The following PPARGC1B variants were observed in gnomAD, a reference collection of about 807,000 sequenced individuals.
PPARGC1B encodes the protein peroxisome proliferator-activated receptor gamma coactivator 1-beta.
Under a neutral mutation model 101.6 loss-of-function variants are expected in PPARGC1B, and 34 were observed. The ratio of observed to expected loss-of-function variants is 0.33; its 90% CI spans 0.25 to 0.45. PPARGC1B has a LOEUF of 0.45. PPARGC1B is among the 20% of genes least tolerant of loss of function. The pLI, the probability that PPARGC1B is intolerant of heterozygous loss-of-function variation, is 1.00. For synonymous variants in PPARGC1B, 548 were observed against 539.3 expected, an observed-to-expected ratio of 1.02 and a Z score of -0.22; for missense variants, 1,234 against 1,317.6, an observed-to-expected ratio of 0.94 and a Z score of 0.98.
intron 1 of PPARGC1B, among the ~76,000 whole-genome samples, chr5:149,785,828 C>T (rs1367418559): frequency 6.6e-6 from 1 of 152,012 alleles, no homozygotes; most frequent in African/African-American, 2.4e-5. Flanking sequence ...GCCTCCCCAA[C>T]AACTATGAGG....
chr5:149,826,894 C>T lies in PPARGC1B; in HGVS notation c.465+9C>T. On this transcript the variant is annotated intron_variant, in intron 3 of 11. Transcript: ENST00000309241. ...TGGACGAGCTCTCACTGGTAAGAAC[C>T]TACTTACAGCAGAAGTGATGGTTGC... 1 of 1,593,006 alleles carries T rather than the reference C, an allele frequency of 6.3e-7. No homozygotes were observed. Among genetic ancestry groups the T allele is most frequent in the Non-Finnish European group, 8.6e-7 (1 of 1,164,766 alleles).
intron 1 of PPARGC1B, among the ~76,000 whole-genome samples, chr5:149,787,310 G>C (rs913247500): frequency 3.3e-5 from 5 of 152,338 alleles, no homozygotes; most frequent in Admixed American, 6.5e-5. Context: ...CCACCCCTGG[G>C]CAAGAGTGTG....
intron 1 of PPARGC1B, among the ~76,000 whole-genome samples, chr5:149,750,141 C>T (rs1190526964): frequency 1.3e-5 from 2 of 151,896 alleles, no homozygotes; most frequent in African/African-American, 2.4e-5. Context: ...GTGCCTTAAA[C>T]GAGTGGGTTT....
At chr5:149,819,115 G>T (rs1758173188) in intron 1 of PPARGC1B, among the ~76,000 whole-genome samples, 1 of 152,232 alleles carries the variant, frequency 6.6e-6, no homozygotes, top group African/African-American at 2.4e-5. Context: ...TTAGGCCTGA[G>T]AATTTATATT....
intron 1 of PPARGC1B, among the ~76,000 whole-genome samples, chr5:149,794,888 C>G (rs1757153578): frequency 6.6e-6 from 1 of 152,252 alleles, no homozygotes; most frequent in Non-Finnish European, 1.5e-5. Context: ...TAGCTCTCCA[C>G]TGGGGTCTGC....
At position 149,747,633 on chromosome 5, in the gene PPARGC1B, T is replaced by C. The variant is rs541267259; in HGVS notation, c.78+17213T>C. Among the ~76,000 whole-genome samples, 105 of 152,314 alleles carry C rather than the reference T, an allele frequency of 6.9e-4. 1 individual carries two copies. Among genetic ancestry groups the C allele is most frequent in the Middle Eastern group, 3.4e-3 (1 of 292 alleles). ...ACAGCTCCTCCCTGCCCTGTGGGTG[T>C]GGACACCAGGTACCTGCCCAGCAGC... On this transcript the variant is annotated intron_variant, in intron 1 of 11. Transcript: ENST00000309241.
chr5:149,741,882 G>A (rs761981104), intron 1 of PPARGC1B, among the ~76,000 whole-genome samples: 55 of 152,016 alleles, frequency 3.6e-4, no homozygotes, highest in Admixed American at 6.5e-4. Flanking sequence ...CAAACCTCTC[G>A]GCCTCCCAAA....
In PPARGC1B at chr5:149,822,983, TATGGAAACAA is replaced by T. The variant is rs1182281017; in HGVS notation, c.252+2379_252+2388del. ...GTTAACAATTAAATGGCACCATTGT[TATGGAAACAA>T]ACTGGGAGAGTAGAGAACAAGCTAC... On this transcript the variant is annotated intron_variant, in intron 2 of 11. Transcript: ENST00000309241. Among the ~76,000 whole-genome samples the T allele has an allele frequency of 9.2e-5, 14 of 152,300 alleles. 1 individual carries two copies. Among genetic ancestry groups the T allele is most frequent in the African/African-American group, 3.1e-4 (13 of 41,566 alleles).
chr5:149,789,600 T>G (rs1756941406), intron 1 of PPARGC1B, among the ~76,000 whole-genome samples: 2 of 152,242 alleles, frequency 1.3e-5, no homozygotes, highest in Non-Finnish European at 2.9e-5. Context: ...CTCAAAACAA[T>G]TCTATGAAGT....
intron 1 of PPARGC1B, among the ~76,000 whole-genome samples, chr5:149,760,487 C>T (rs1755678808): frequency 6.6e-6 from 1 of 152,196 alleles, no homozygotes; most frequent in South Asian, 2.1e-4. Flanking sequence ...CTATTATCTG[C>T]CTCACAGAGT....
At chr5:149,839,849 G>A (rs575881840) in intron 8 of PPARGC1B, among the ~76,000 whole-genome samples, 192 bp from the exon 9 acceptor site, 1 of 152,324 alleles carries the variant, frequency 6.6e-6, no homozygotes, top group South Asian at 2.1e-4. Context: ...GTGTCCAGAT[G>A]TTCAGGCCCA....
At chr5:149,779,249 T>C (rs1417222338) in intron 1 of PPARGC1B, among the ~76,000 whole-genome samples, 2 of 152,138 alleles carry the variant, frequency 1.3e-5, no homozygotes, top group Non-Finnish European at 2.9e-5. Flanking sequence ...TTCCCACTGA[T>C]AAGATGGGGA....
chr5:149,745,410 A>G (rs1755051057), intron 1 of PPARGC1B, among the ~76,000 whole-genome samples: 1 of 152,210 alleles, frequency 6.6e-6, no homozygotes, highest in South Asian at 2.1e-4. Flanking sequence ...CCAGACCTAT[A>G]GAGTGAGAAT....
intron 1 of PPARGC1B, among the ~76,000 whole-genome samples, chr5:149,794,539 C>T (rs979066539): frequency 7.0e-6 from 1 of 142,904 alleles, no homozygotes; most frequent in African/African-American, 2.5e-5. Context: ...CACACACACA[C>T]ACACACACAC....
intron 1 of PPARGC1B, among the ~76,000 whole-genome samples, chr5:149,768,090 C>T (rs1289395813): frequency 6.6e-6 from 1 of 151,942 alleles, no homozygotes; most frequent in Non-Finnish European, 1.5e-5. Flanking sequence ...GTTTTGGTTG[C>T]TGTCGCTGCA....
chr5:149,774,251 G>A (rs1360169169), intron 1 of PPARGC1B, among the ~76,000 whole-genome samples: 2 of 152,144 alleles, frequency 1.3e-5, no homozygotes, highest in East Asian at 1.9e-4. Context: ...GGACACCGTC[G>A]TAGAGAAGTT....
intron 1 of PPARGC1B, among the ~76,000 whole-genome samples, chr5:149,767,840 G>A (rs886396105): frequency 2.6e-5 from 4 of 152,018 alleles, no homozygotes; most frequent in African/African-American, 9.7e-5. Flanking sequence ...TGGGGGTGGG[G>A]GGTGGCGGAT....
intron 1 of PPARGC1B, among the ~76,000 whole-genome samples, chr5:149,736,367 CTTTTT>C (rs78624741): frequency 7.0e-6 from 1 of 143,116 alleles, no homozygotes; most frequent in Admixed American, 7.1e-5. Flanking sequence ...TGCATGCAAT[CTTTTT>C]TTTTTTTTGC....
chr5:149,838,919 C>T (rs116686743), intron 8 of PPARGC1B, among the ~76,000 whole-genome samples: 100 of 152,326 alleles, frequency 6.6e-4, no homozygotes, highest in African/African-American at 2.3e-3. Flanking sequence ...TTGAACTCCA[C>T]GATACCTTCC....
Sources: gnomAD v4.1 joint callset for allele counts (sites outside exome capture counted in the v4.1 genomes callset) on GRCh38, gnomAD v4.1.1 for gene constraint, MANE v1.5 for transcripts, NCBI Gene and HGNC (gene_info 2026-07-23, HGNC 2026-07-21) for gene names.